The following NUP155 variants were observed in gnomAD, a reference collection of about 807,000 sequenced individuals.
NUP155 encodes the protein nucleoporin 155.
NUP155 carries 71 observed loss-of-function variants against 180.4 expected under a neutral mutation model. That is an observed-to-expected ratio of 0.39 (90% confidence interval 0.33 to 0.48). The LOEUF (loss-of-function observed/expected upper bound fraction) is 0.48, where lower values mean the gene tolerates loss of function less well. Among genes scored for constraint, NUP155 ranks in the 20% least tolerant of loss-of-function variants. NUP155 has a pLI of 0.91. For missense variants in NUP155, 1,553 were observed against 1,648.9 expected (o/e 0.94, Z 1.01); for synonymous variants, 582 against 559.5 (o/e 1.04, Z -0.57).
chr5:37,315,493 A>G (rs1743827077), intron 21 of NUP155, among the ~76,000 whole-genome samples: 1 of 150,070 alleles, frequency 6.7e-6, no homozygotes, highest in South Asian at 2.1e-4. Context: ...ATAAAAAGGC[A>G]TATTACTAAT....
intron 32 of NUP155, among the ~76,000 whole-genome samples, chr5:37,296,663 G>A (rs1337932687): frequency 2.0e-5 from 3 of 149,880 alleles, no homozygotes; most frequent in African/African-American, 2.5e-5. Context: ...CCCCCTCTGC[G>A]AGAAACACCC....
rs2111593890 is a variant in NUP155 at position 37,351,327 on chromosome 5, C to T, written c.586G>A (p.Gly196Ser). Residue 196 changes from glycine to serine, a missense_variant, in exon 6 of 35, where the codon GGT becomes AGT. Coordinates refer to ENST00000231498, the MANE Select transcript of NUP155 (RefSeq NM_153485.3). The stretch of plus-strand genomic sequence containing the variant: ...GGATCTGGAAGCAACTGCATTCCAC[C>T]AGACAAACTATCATTAAGAACTCCA... ...GSGVLNDSLS[G>S]GMQLLPDPLY... 1.2e-6 allele frequency: 2 copies of T among 1,612,506 alleles called. No homozygotes were observed. Among genetic ancestry groups the T allele is most frequent in the Admixed American group, 3.3e-5 (2 of 59,978 alleles).
chr5:37,314,796 T>A (rs1030385918), intron 21 of NUP155, among the ~76,000 whole-genome samples: 2 of 151,716 alleles, frequency 1.3e-5, no homozygotes, highest in Non-Finnish European at 2.9e-5. Flanking sequence ...AGAGCAAGAC[T>A]CCATCTCCAA....
intron 4 of NUP155, among the ~76,000 whole-genome samples, chr5:37,354,979 C>T (rs1250285569): frequency 1.3e-5 from 2 of 151,746 alleles, no homozygotes; most frequent in Non-Finnish European, 2.9e-5. Flanking sequence ...GTAATCCCAG[C>T]TACTCGGGAG....
In NUP155 at chr5:37,306,927, G is replaced by C. The variant is rs546671052; in HGVS notation, c.2903+370C>G. On this transcript the variant is annotated intron_variant, in intron 25 of 34. Transcript: ENST00000231498. ...CCTTTACACAAAGAGGCCAGACACG[G>C]TGGCTGATGGCTATAATCCTAGCAC... Among the ~76,000 whole-genome samples, 3 of 152,118 alleles carry C rather than the reference G, an allele frequency of 2.0e-5. No homozygotes were observed. In the East Asian group the frequency reaches 5.8e-4, roughly 29 times the overall value.
rs1477271905 is a variant in NUP155, at chr5:37,358,850, C to T, written c.393-699G>A. ...TGGCCAATGTGGTGAAACCCCGTCT[C>T]TACTAAAATACAAAAAATTAGCCCG... On this transcript the variant is annotated intron_variant, in intron 3 of 34. Coordinates refer to ENST00000231498, the MANE Select transcript of NUP155 (RefSeq NM_153485.3). Among the ~76,000 whole-genome samples the T allele has an allele frequency of 2.6e-5, 4 of 152,176 alleles. No homozygotes were observed. In the East Asian group the frequency reaches 7.7e-4, roughly 29 times the overall value.
In NUP155 at chr5:37,292,018, C is replaced by T. The variant is rs746058015; in HGVS notation, c.4058G>A (p.Cys1353Tyr). Residue 1353 changes from cysteine (C) to tyrosine (Y), a missense_variant, in exon 35 of 35, where the codon TGC (cysteine) becomes TAC (tyrosine). Physicochemically the swap from Cys to Tyr is radical, Grantham distance 194. Coordinates refer to ENST00000231498, the MANE Select transcript of NUP155 (RefSeq NM_153485.3). ...NCERRRFTNLCLDAVCGYLVE... is the reference protein window; with the variant it reads ...NCERRRFTNLYLDAVCGYLVE... Reference sequence around the variant, plus strand: ...AAGGTAACCACAAACAGCATCCAGGCAGAGATTTGTAAATCTTCTCCTACA... The same window carrying T: ...AAGGTAACCACAAACAGCATCCAGGTAGAGATTTGTAAATCTTCTCCTACA... The T allele has an allele frequency of 3.7e-6, 6 of 1,613,966 alleles. No homozygotes were observed. The highest frequency in any genetic ancestry group is 1.6e-4 in the Middle Eastern group (1 of 6,084).
In NUP155 at chr5:37,333,681, A is replaced by C. The variant is rs200238237; in HGVS notation, c.1348-48T>G. 5.7e-4 allele frequency: 813 copies of C among 1,424,258 alleles called. 1 individual carries two copies. Among genetic ancestry groups the C allele is most frequent in the Non-Finnish European group, 7.2e-4 (738 of 1,023,492 alleles). The allele number at this position is 1,424,258 out of a possible 1,614,324, so 88.2% of individuals were successfully genotyped here. A position where few individuals can be genotyped will look rare whatever the true frequency, so the allele number is the denominator to read the frequency against. ...TTATACATCATATTGAAGTTACATA[A>C]TGCAAAAGAAAAAACTACAGACTTA... On this transcript the variant is annotated intron_variant, in intron 12 of 34. Coordinates refer to ENST00000231498, the MANE Select transcript of NUP155 (RefSeq NM_153485.3).
intron 9 of NUP155, among the ~76,000 whole-genome samples, chr5:37,346,950 G>A (rs1179171372): frequency 3.9e-5 from 6 of 152,142 alleles, no homozygotes; most frequent in African/African-American, 9.7e-5. Flanking sequence ...AGTAGTGGCC[G>A]GGTGCAGTGG....
intron 12 of NUP155, among the ~76,000 whole-genome samples, chr5:37,336,948 A>T (rs1745368172): frequency 6.6e-6 from 1 of 152,212 alleles, no homozygotes; most frequent in Admixed American, 6.5e-5. Context: ...GCCTGTGAAG[A>T]GGTAGCTCTA....
chr5:37,339,502 C>A (rs1216538698), intron 11 of NUP155, among the ~76,000 whole-genome samples: 8 of 151,936 alleles, frequency 5.3e-5, no homozygotes, highest in Admixed American at 3.3e-4. Context: ...GTGGCACATG[C>A]CTGTAGTCCC....
At position 37,291,718 on chromosome 5, in the gene NUP155, C is replaced by A; in HGVS notation, c.*182G>T. On this transcript the variant is annotated 3_prime_UTR_variant, in exon 35 of 35. Coordinates refer to ENST00000231498, the MANE Select transcript of NUP155 (RefSeq NM_153485.3). ...GTTTTTTCACCCAATTACTAAAAAA[C>A]AAAATAGTCATAAAAAAGAATTCAT... 3 of 498,750 alleles carry A rather than the reference C, an allele frequency of 6.0e-6. No individual in the cohort carries two copies. The highest frequency in any genetic ancestry group is 2.0e-5 in the African/African-American group (1 of 50,566). 30.9% of individuals were successfully genotyped at this position (498,750 alleles called of 1,614,324 possible). A position where few individuals can be genotyped will look rare whatever the true frequency, so the allele number is the denominator to read the frequency against.
At chr5:37,308,699 T>G (rs1284151861) in intron 24 of NUP155, among the ~76,000 whole-genome samples, 2 of 140,560 alleles carry the variant, frequency 1.4e-5, no homozygotes, top group Non-Finnish European at 3.1e-5. Context: ...TGTCTCAAAA[T>G]AAAAAAAATA....
chr5:37,348,778 C>T (rs192727751), intron 8 of NUP155, among the ~76,000 whole-genome samples, 182 bp from the exon 9 acceptor site: 21 of 150,452 alleles, frequency 1.4e-4, no homozygotes, highest in Non-Finnish European at 2.4e-4. Context: ...TTTTTTGAGA[C>T]GAAGTCTTGC....
intron 9 of NUP155, among the ~76,000 whole-genome samples, chr5:37,345,065 C>T (rs900005605): frequency 1.3e-5 from 2 of 148,844 alleles, no homozygotes; most frequent in Admixed American, 1.3e-4. Flanking sequence ...TGCCTGTGGT[C>T]CCAGCTGCTT....
chr5:37,292,404 G>T (rs1467976198), intron 34 of NUP155, among the ~76,000 whole-genome samples: 1 of 152,024 alleles, frequency 6.6e-6, no homozygotes, highest in Non-Finnish European at 1.5e-5. Context: ...TTTTAGTAGA[G>T]ATGGGGTTTC....
At chr5:37,304,654 A>AT in intron 27 of NUP155, 85 bp downstream of exon 27, 1 of 991,782 alleles carries the variant, frequency 1.0e-6, no homozygotes, top group Non-Finnish European at 1.6e-6. Flanking sequence ...GAGAAACTGA[A>AT]TTTTTTACAT....
intron 24 of NUP155, among the ~76,000 whole-genome samples, 193 bp from the exon 25 acceptor site, chr5:37,307,625 A>G (rs1234293649): frequency 6.6e-6 from 1 of 152,110 alleles, no homozygotes; most frequent in East Asian, 1.9e-4. Context: ...ACTGTTAAAT[A>G]TATTTCTTCA....
chr5:37,313,868 G>A lies in NUP155; in HGVS notation c.2436+330C>T, dbSNP rs143795356. The stretch of plus-strand genomic sequence containing the variant: ...AAGCAAAAGTCTGTGTGTCCATGTC[G>A]ATATGCATTTCTTTAAGGGTAGTGA... On this transcript the variant is annotated intron_variant, in intron 22 of 34. Transcript: ENST00000231498. 4.2e-3 allele frequency among the ~76,000 whole-genome samples: 635 copies of A among 152,202 alleles called. 4 individuals carry two copies. Among genetic ancestry groups the A allele is most frequent in the Admixed American group, 6.6e-3 (100 of 15,252 alleles).
Sources: allele counts gnomAD v4.1 joint callset (sites outside exome capture counted in the v4.1 genomes callset), GRCh38; gene constraint gnomAD v4.1.1; transcripts MANE v1.5; gene names NCBI Gene and HGNC (gene_info 2026-07-23, HGNC 2026-07-21).